PKNOX2: variants seen among roughly 807,000 people sequenced by gnomAD.
The protein encoded by PKNOX2 is PBX/knotted 1 homeobox 2.
A neutral mutation model predicts 53.1 loss-of-function variants in PKNOX2; 14 were observed. The ratio of observed to expected loss-of-function variants is 0.26; its 90% CI spans 0.17 to 0.41. PKNOX2 has a LOEUF of 0.41. Ranked by LOEUF, PKNOX2 falls within the 10% of genes least tolerant of loss-of-function variation. The pLI is 1.00. For synonymous variants in PKNOX2, 257 were observed against 242.8 expected (o/e 1.06, Z -0.54); for missense variants, 496 against 602.8 (o/e 0.82, Z 1.85).
chr11:125,193,686 T>C (rs1465803414), intron 1 of PKNOX2, among the ~76,000 whole-genome samples: 1 of 152,174 alleles, frequency 6.6e-6, no homozygotes, highest in Non-Finnish European at 1.5e-5. Flanking sequence ...GAGAGGGGCA[T>C]TGACCTAGGA....
chr11:125,236,951 A>G (rs1942745556), intron 2 of PKNOX2, among the ~76,000 whole-genome samples: 1 of 152,168 alleles, frequency 6.6e-6, no homozygotes, highest in Non-Finnish European at 1.5e-5. Context: ...ATCACCCATA[A>G]CAGAATGGCT....
intron 2 of PKNOX2, among the ~76,000 whole-genome samples, chr11:125,243,384 G>A (rs971272044): frequency 6.6e-6 from 1 of 152,200 alleles, no homozygotes; most frequent in Non-Finnish European, 1.5e-5. Context: ...GCCATCTTCA[G>A]TTAAGCCACC....
intron 1 of PKNOX2, among the ~76,000 whole-genome samples, chr11:125,179,999 G>A (rs1282489361): frequency 1.3e-5 from 2 of 152,112 alleles, no homozygotes; most frequent in Non-Finnish European, 2.9e-5. Context: ...CCCAATTCAT[G>A]TCCTGTCACT....
At chr11:125,401,277 G>A (rs189097609) in intron 7 of PKNOX2, among the ~76,000 whole-genome samples, 8 of 152,272 alleles carry the variant, frequency 5.3e-5, no homozygotes, top group East Asian at 1.9e-4. Flanking sequence ...TGAGAACGAC[G>A]GGGCAGAAGG....
intron 8 of PKNOX2, 59 bp downstream of exon 8, chr11:125,410,384 C>T: frequency 6.2e-7 from 1 of 1,602,736 alleles, no homozygotes; most frequent in Non-Finnish European, 8.5e-7. Flanking sequence ...GAAAGGGTGG[C>T]CCCGAGGCGG....
At chr11:125,255,915 A>G (rs1944373900) in intron 2 of PKNOX2, among the ~76,000 whole-genome samples, 1 of 151,878 alleles carries the variant, frequency 6.6e-6, no homozygotes, top group Non-Finnish European at 1.5e-5. Flanking sequence ...TGCATCTAGT[A>G]TAGGCTACCT....
chr11:125,247,995 A>G (rs1591495314), intron 2 of PKNOX2, among the ~76,000 whole-genome samples: 1 of 151,964 alleles, frequency 6.6e-6, no homozygotes, highest in African/African-American at 2.4e-5. Context: ...CCTGGCCTGA[A>G]CCTCCTGCCA....
At chr11:125,167,560 G>A (rs1435844610) in intron 1 of PKNOX2, among the ~76,000 whole-genome samples, 2 of 152,208 alleles carry the variant, frequency 1.3e-5, no homozygotes, top group Non-Finnish European at 2.9e-5. Flanking sequence ...TCAGAATAAG[G>A]GGCAGGGGGT....
At chr11:125,279,195 A>C (rs1946383101) in intron 2 of PKNOX2, among the ~76,000 whole-genome samples, 1 of 152,170 alleles carries the variant, frequency 6.6e-6, no homozygotes, top group African/African-American at 2.4e-5. Context: ...GTGTGGCAAC[A>C]TGTAGGTGCC....
chr11:125,178,562 GA>G (rs2135249193), intron 1 of PKNOX2, among the ~76,000 whole-genome samples: 1 of 105,312 alleles, frequency 9.5e-6, no homozygotes, highest in South Asian at 3.1e-4. Flanking sequence ...AGGAAGGAAG[GA>G]ACGAAGGAAG....
At position 125,172,600 on chromosome 11, in the gene PKNOX2, C is replaced by G. The variant is rs555253000; in HGVS notation, c.-201+7824C>G. ...TGACCTTCAACAAGGGACTTACCTTCTCTGGATGTCAGTGTCCTCACTTAT... is the reference window on the plus strand; with the variant it reads ...TGACCTTCAACAAGGGACTTACCTTGTCTGGATGTCAGTGTCCTCACTTAT... On this transcript the variant is annotated intron_variant, in intron 1 of 12. Coordinates refer to ENST00000298282, the MANE Select transcript of PKNOX2 (RefSeq NM_001382323.2). Among the ~76,000 whole-genome samples the G allele has an allele frequency of 8.5e-5, 13 of 152,330 alleles. No individual in the cohort carries two copies. In the East Asian group the frequency reaches 2.5e-3, roughly 29 times the overall value.
At chr11:125,200,034 C>T (rs925696254) in intron 1 of PKNOX2, among the ~76,000 whole-genome samples, 7 of 152,170 alleles carry the variant, frequency 4.6e-5, no homozygotes, top group African/African-American at 1.4e-4. Context: ...TCTGTGATTC[C>T]ACTTTCCCAT....
intron 5 of PKNOX2, among the ~76,000 whole-genome samples, chr11:125,369,987 T>G (rs574548039): frequency 6.6e-6 from 1 of 152,136 alleles, no homozygotes; most frequent in Admixed American, 6.5e-5. Flanking sequence ...TCAATCTGCA[T>G]TTTCACAAGA....
chr11:125,361,476 A>G (rs1475179761), intron 4 of PKNOX2, among the ~76,000 whole-genome samples: 1 of 152,204 alleles, frequency 6.6e-6, no homozygotes, highest in African/African-American at 2.4e-5. Flanking sequence ...TAAGAGTGGG[A>G]TTCAAAACTA....
intron 2 of PKNOX2, among the ~76,000 whole-genome samples, chr11:125,274,390 G>A (rs79718227): frequency 0.046 from 6,968 of 152,168 alleles, 552 homozygotes; most frequent in African/African-American, 0.16. Flanking sequence ...TGTTCCCTCC[G>A]CAGAGCACAG....
intron 4 of PKNOX2, among the ~76,000 whole-genome samples, chr11:125,355,402 C>G (rs1261429126): frequency 6.6e-6 from 1 of 152,162 alleles, no homozygotes; most frequent in East Asian, 1.9e-4. Context: ...GCGCCCTCTA[C>G]TGTCTTAACT....
chr11:125,335,806 A>T (rs1408802859), intron 3 of PKNOX2, among the ~76,000 whole-genome samples: 2 of 151,998 alleles, frequency 1.3e-5, no homozygotes, highest in African/African-American at 2.4e-5. Flanking sequence ...TGACAGAGGG[A>T]GACTCCTGTC....
intron 3 of PKNOX2, among the ~76,000 whole-genome samples, chr11:125,339,614 C>CA (rs1950583907): frequency 6.6e-6 from 1 of 152,206 alleles, no homozygotes; most frequent in Non-Finnish European, 1.5e-5. Flanking sequence ...CCTTCTACCC[C>CA]ACTTCACTCC....
chr11:125,221,588 T>C (rs568156660), intron 1 of PKNOX2, among the ~76,000 whole-genome samples: 2 of 152,296 alleles, frequency 1.3e-5, no homozygotes, highest in East Asian at 3.9e-4. Flanking sequence ...TAGTTGTAGC[T>C]GGAAAGGATT....
Sources: gnomAD v4.1 joint callset for allele counts (sites outside exome capture counted in the v4.1 genomes callset) on GRCh38, gnomAD v4.1.1 for gene constraint, MANE v1.5 for transcripts, NCBI Gene and HGNC (gene_info 2026-07-23, HGNC 2026-07-21) for gene names.